SIGLEC8: variants seen among roughly 807,000 people sequenced by gnomAD.
SIGLEC8 encodes sialic acid binding Ig like lectin 8.
SIGLEC8 carries 32 observed loss-of-function variants against 42.1 expected under a neutral mutation model. The observed-to-expected ratio is 0.76, with a 90% CI of 0.57 to 1.02. SIGLEC8 has a LOEUF of 1.02. Ranked by LOEUF, SIGLEC8 falls within the 50% of genes least tolerant of loss-of-function variation. The probability of loss-of-function intolerance (pLI) is 0.00; values close to 1 mark genes in which losing one functional copy is unlikely to be tolerated. For synonymous variants in SIGLEC8, 262 were observed against 260.3 expected (o/e 1.01, Z -0.06); for missense variants, 611 against 610.2 (o/e 1.00, Z -0.01).
chr19:51,457,440 G>T (rs532086936), intron 2 of SIGLEC8, 21 bp downstream of exon 2: 1 of 1,613,062 alleles, frequency 6.2e-7, no homozygotes, highest in African/African-American at 1.3e-5. Context: ...AGGGACCTGG[G>T]CATCTTGGTC....
At chr19:51,457,313 G>A (rs1263925098) in intron 2 of SIGLEC8, 82 bp from the exon 3 acceptor site, 2 of 1,516,814 alleles carry the variant, frequency 1.3e-6, no homozygotes, top group Admixed American at 3.6e-5. Context: ...TGCAAATACA[G>A]GGAAAATGGA....
intron 2 of SIGLEC8, 84 bp from the exon 3 acceptor site, chr19:51,457,315 G>C (rs1187249088): frequency 6.6e-7 from 1 of 1,514,560 alleles, no homozygotes; most frequent in Non-Finnish European, 9.0e-7. Flanking sequence ...CAAATACAGG[G>C]AAAATGGAGT....
Position 51,457,550 on chromosome 19 carries a change from G to C in SIGLEC8, c.644C>G (p.Pro215Arg), listed in dbSNP as rs761841823. 1 of 1,613,974 alleles carries C rather than the reference G, an allele frequency of 6.2e-7. No homozygotes were observed. Among genetic ancestry groups the C allele is most frequent in the Non-Finnish European group, 8.5e-7 (1 of 1,180,026 alleles). Residue 215 changes from proline to arginine, a missense_variant, in exon 2 of 7, where the codon CCC becomes CGC. Coordinates refer to ENST00000321424, the MANE Select transcript of SIGLEC8 (RefSeq NM_014442.3). Reference sequence around the variant, plus strand: ...GGTGAGGCTGGTGCCGTGGTCCTGGGGCTTTGGGGTAAGGGTGAGCACTGA... The same window carrying C: ...GGTGAGGCTGGTGCCGTGGTCCTGGCGCTTTGGGGTAAGGGTGAGCACTGA... ...RSSVLTLTPKPQDHGTSLTCQ... is the reference protein window; with the variant it reads ...RSSVLTLTPKRQDHGTSLTCQ...
In SIGLEC8 at chr19:51,455,652, C is replaced by T. The variant is rs750681283; in HGVS notation, c.817G>A (p.Val273Ile). ...AGGCGCAGAGACTGGCCCTCAAGGACTGAAAGAGATGAGCCATTTCCCAGG... is the reference window on the plus strand; with the variant it reads ...AGGCGCAGAGACTGGCCCTCAAGGATTGAAAGAGATGAGCCATTTCCCAGG... ...TALGNGSSLS[V>I]LEGQSLRLVC... The change falls in exon 4 of 7, where the codon GTC becomes ATC. Residue 273 changes from valine (V) to isoleucine (I), a missense_variant. By Grantham distance (29) the Val-to-Ile change is conservative. Coordinates refer to ENST00000321424, the MANE Select transcript of SIGLEC8 (RefSeq NM_014442.3). 6.2e-7 allele frequency: 1 copy of T among 1,613,726 alleles called. No homozygotes were observed. Among genetic ancestry groups the T allele is most frequent in the Non-Finnish European group, 8.5e-7 (1 of 1,179,832 alleles).
In SIGLEC8 at chr19:51,458,129, CTCTG is replaced by C. The variant is rs1989543023; in HGVS notation, c.255_258del (p.Asp85GlufsTer24). The C allele has an allele frequency of 6.2e-7, 1 of 1,614,184 alleles. No individual in the cohort carries two copies. The highest frequency in any genetic ancestry group is 8.5e-7 in the Non-Finnish European group (1 of 1,180,030). ...CGGCCCTGGGTCTCTGCCTGCACTT[CTCTG>C]TCTGGGTTGTTTGTGGCCACTGGAG... On this transcript the variant is annotated frameshift_variant, in exon 1 of 7. Transcript: ENST00000321424. LOFTEE classifies it high-confidence loss of function.
chr19:51,451,038 C>T lies in SIGLEC8; in HGVS notation c.*1341G>A, dbSNP rs2122135174. 6.6e-6 allele frequency: 1 copy of T among 152,320 alleles called. No homozygotes were observed. The allele number at this position is 152,320 out of a possible 1,614,324, so 9.4% of individuals were successfully genotyped here. A position where few individuals can be genotyped will look rare whatever the true frequency, so the allele number is the denominator to read the frequency against. On this transcript the variant is annotated 3_prime_UTR_variant, in exon 7 of 7. Coordinates refer to ENST00000321424, the MANE Select transcript of SIGLEC8 (RefSeq NM_014442.3). ...GAGGTGTAATTGACTCACAGTTCCACATGGCGGGGGAGGCCTCAGGAAACT... is the reference window on the plus strand; with the variant it reads ...GAGGTGTAATTGACTCACAGTTCCATATGGCGGGGGAGGCCTCAGGAAACT...
chr19:51,455,923 T>C (rs1176861225), intron 3 of SIGLEC8, among the ~76,000 whole-genome samples: 2 of 151,962 alleles, frequency 1.3e-5, no homozygotes, highest in Admixed American at 1.3e-4. Flanking sequence ...ATGTCCTTTG[T>C]AGGGACATGG....
At position 51,451,763 on chromosome 19, in the gene SIGLEC8, A is replaced by G. The variant is rs1459055469; in HGVS notation, c.*616T>C. ...AATCTTCTTTTAGCTCCTTGAAAAT[A>G]TTCAATGCAAGCTGGGTGCGGTGGC... On this transcript the variant is annotated 3_prime_UTR_variant, in exon 7 of 7. Transcript: ENST00000321424. 2 of 152,262 alleles carry G rather than the reference A, an allele frequency of 1.3e-5. No individual in the cohort carries two copies. Among genetic ancestry groups the G allele is most frequent in the African/African-American group, 2.4e-5 (1 of 41,466 alleles). 9.4% of individuals were successfully genotyped at this position (152,262 alleles called of 1,614,324 possible).
At position 51,454,798 on chromosome 19, in the gene SIGLEC8, T is replaced by A. The variant is rs755281132; in HGVS notation, c.1052-18A>T. ...TGAGGTGCCTGCAGATGGATTGGAGTTGCTTTGGGGATTTATATCACGGAG... is the reference window on the plus strand; with the variant it reads ...TGAGGTGCCTGCAGATGGATTGGAGATGCTTTGGGGATTTATATCACGGAG... On this transcript the variant is annotated intron_variant, in intron 4 of 6. Coordinates refer to ENST00000321424, the MANE Select transcript of SIGLEC8 (RefSeq NM_014442.3). This position sits in a 1 kb window ranked among gnomAD's most constrained non-coding sequence, Gnocchi z 4.7. The A allele has an allele frequency of 6.3e-6, 10 of 1,597,196 alleles. No homozygotes were observed. The highest frequency in any genetic ancestry group is 8.6e-6 in the Non-Finnish European group (10 of 1,165,152).
rs1483137855 is a variant in SIGLEC8, at chr19:51,454,210, A to G, written c.1245+9T>C. On this transcript the variant is annotated intron_variant, in intron 6 of 6. Coordinates refer to ENST00000321424, the MANE Select transcript of SIGLEC8 (RefSeq NM_014442.3). This position sits in a 1 kb window ranked among gnomAD's most constrained non-coding sequence, Gnocchi z 4.7. Reference sequence around the variant, plus strand: ...GGATGCTCGGTGTGGAGAAGCCCACATCACTCACCTGAGAGGCCGAGCCCC... The same window carrying G: ...GGATGCTCGGTGTGGAGAAGCCCACGTCACTCACCTGAGAGGCCGAGCCCC... 4 of 1,614,016 alleles carry G rather than the reference A, an allele frequency of 2.5e-6. No homozygotes were observed. Among genetic ancestry groups the G allele is most frequent in the Non-Finnish European group, 3.4e-6 (4 of 1,179,944 alleles).
In SIGLEC8 at chr19:51,454,010, C is replaced by T. The variant is rs1429738561; in HGVS notation, c.1245+209G>A. 2 of 985,226 alleles carry T rather than the reference C, an allele frequency of 2.0e-6. No homozygotes were observed. The highest frequency in any genetic ancestry group is 1.1e-4 in the East Asian group (1 of 8,814). The allele number at this position is 985,226 out of a possible 1,614,324, so 61.0% of individuals were successfully genotyped here. ...GAAAAGGAGGACAGAGAGGAGATAA[C>T]TCCTACTCAGTGCCTGGCCTGGGAA... On this transcript the variant is annotated intron_variant, in intron 6 of 6. Transcript: ENST00000321424. This position sits in a 1 kb window ranked among gnomAD's most constrained non-coding sequence, Gnocchi z 4.7.
chr19:51,455,109 T>A (rs1484686892), intron 4 of SIGLEC8, among the ~76,000 whole-genome samples: 2 of 152,256 alleles, frequency 1.3e-5, no homozygotes, highest in African/African-American at 2.4e-5. Flanking sequence ...CTTCTTAAAT[T>A]TGGTGCCAAG....
In SIGLEC8 at chr19:51,453,095, G is replaced by T. The variant is rs1002836605; in HGVS notation, c.1246-462C>A. On this transcript the variant is annotated intron_variant, in intron 6 of 6. Coordinates refer to ENST00000321424, the MANE Select transcript of SIGLEC8 (RefSeq NM_014442.3). ...TTTGTTTTGTTTTGTTTTGTTTTTTGGTTTTTTTTTTGAGACAGAGTCTGG... is the reference window on the plus strand; with the variant it reads ...TTTGTTTTGTTTTGTTTTGTTTTTTTGTTTTTTTTTTGAGACAGAGTCTGG... Among the ~76,000 whole-genome samples, 5 of 149,026 alleles carry T rather than the reference G, an allele frequency of 3.4e-5. No homozygotes were observed. In the East Asian group the frequency reaches 9.9e-4, roughly 30 times the overall value.
chr19:51,453,997 A>G (rs977118177), intron 6 of SIGLEC8: 20 of 985,226 alleles, frequency 2.0e-5, no homozygotes, highest in Non-Finnish European at 2.3e-5. Context: ...AAAGGAGGAC[A>G]GAGAGGAGAT....
In SIGLEC8 at chr19:51,452,641, G is replaced by A. The variant is rs778583784; in HGVS notation, c.1246-8C>T. 40 of 1,491,132 alleles carry A rather than the reference G, an allele frequency of 2.7e-5. No individual in the cohort carries two copies. In the Admixed American group the frequency reaches 8.7e-4, roughly 32 times the overall value. 92.4% of individuals were successfully genotyped at this position (1,491,132 alleles called of 1,614,324 possible). A position where few individuals can be genotyped will look rare whatever the true frequency, so the allele number is the denominator to read the frequency against. The stretch of plus-strand genomic sequence containing the variant: ...GGATTCAGTCAGGGGTCCCTGGACA[G>A]AGAGAGAGAAGGGAGTCAGAACAGA... On this transcript the variant is annotated splice_region_variant and splice_polypyrimidine_tract_variant and intron_variant, in intron 6 of 6. Transcript: ENST00000321424.
Position 51,454,435 on chromosome 19 carries a change from G to T in SIGLEC8, c.1149-120C>A. 1.9e-6 allele frequency: 3 copies of T among 1,562,854 alleles called. No individual in the cohort carries two copies. The highest frequency in any genetic ancestry group is 2.6e-6 in the Non-Finnish European group (3 of 1,147,894). On this transcript the variant is annotated intron_variant, in intron 5 of 6. Transcript: ENST00000321424. This position sits in a 1 kb window ranked among gnomAD's most constrained non-coding sequence, Gnocchi z 4.7. ...GGGGTGACCGAGGCGCAACGGCGGT[G>T]GTCCAGTTCCAGAGACCCCAACGGT...
Position 51,452,300 on chromosome 19 carries a change from T to G in SIGLEC8, c.*79A>C. ...GGGAAAGGGGAGACATTGGTCCAAG[T>G]TTTGGTTAGACAGGAGGAGGGAGCC... On this transcript the variant is annotated 3_prime_UTR_variant, in exon 7 of 7. Transcript: ENST00000321424. 1 of 1,292,402 alleles carries G rather than the reference T, an allele frequency of 7.7e-7. No homozygotes were observed. Among genetic ancestry groups the G allele is most frequent in the Non-Finnish European group, 1.1e-6 (1 of 943,814 alleles). The allele number at this position is 1,292,402 out of a possible 1,614,324, so 80.1% of individuals were successfully genotyped here.
chr19:51,455,353 G>T (rs1261791736), intron 4 of SIGLEC8, 65 bp downstream of exon 4: 2 of 1,578,746 alleles, frequency 1.3e-6, no homozygotes, highest in Non-Finnish European at 1.7e-6. Context: ...GAAGCTCAGG[G>T]GCAGTGGGTG....
chr19:51,455,047 C>T (rs1361182530), intron 4 of SIGLEC8, among the ~76,000 whole-genome samples: 1 of 152,172 alleles, frequency 6.6e-6, no homozygotes, highest in Non-Finnish European at 1.5e-5. Context: ...TTCAAAAGAT[C>T]ATGGCATTGC....
Sources: gnomAD v4.1 joint callset for allele counts (sites outside exome capture counted in the v4.1 genomes callset) on GRCh38, gnomAD v4.1.1 for gene constraint, Gnocchi (gnomAD v3.1) non-coding constraint, MANE v1.5 for transcripts, NCBI Gene and HGNC (gene_info 2026-07-23, HGNC 2026-07-21) for gene names.